The following KCNMA1 variants were observed in gnomAD, a reference collection of about 807,000 sequenced individuals.
The protein encoded by KCNMA1 is Calcium-activated potassium channel subunit alpha-1.
Under a neutral mutation model 140.0 loss-of-function variants are expected in KCNMA1, and 29 were observed. That is an observed-to-expected ratio of 0.21 (90% CI 0.15 to 0.28). KCNMA1 has a LOEUF of 0.28. KCNMA1 is among the 10% of genes least tolerant of loss of function. KCNMA1 has a pLI of 1.00. For synonymous variants in KCNMA1, 612 were observed against 611.9 expected (o/e 1.00, Z 0.00); for missense variants, 880 against 1,602.2 (o/e 0.55, Z 7.70).
intron 2 of KCNMA1, among the ~76,000 whole-genome samples, chr10:77,287,496 G>A (rs2071438841): frequency 6.6e-6 from 1 of 152,112 alleles, no homozygotes; most frequent in Non-Finnish European, 1.5e-5. Context: ...AGCCAATTTG[G>A]GATCCTAAAT....
chr10:76,929,296 G>A (rs2058663582), intron 23 of KCNMA1, among the ~76,000 whole-genome samples: 1 of 152,116 alleles, frequency 6.6e-6, no homozygotes, highest in Non-Finnish European at 1.5e-5. Flanking sequence ...CTTGCCTTTA[G>A]GCCCATGGCC....
At chr10:77,297,379 A>G (rs1402964231) in intron 2 of KCNMA1, among the ~76,000 whole-genome samples, 1 of 152,230 alleles carries the variant, frequency 6.6e-6, no homozygotes, top group Non-Finnish European at 1.5e-5. Context: ...CTAAAGATAT[A>G]ACAGAAAAAG....
chr10:76,888,785 C>G (rs1167508716), intron 27 of KCNMA1, among the ~76,000 whole-genome samples: 1 of 152,080 alleles, frequency 6.6e-6, no homozygotes, highest in African/African-American at 2.4e-5. Flanking sequence ...TATCTTAGGG[C>G]GGGGTGTGGT....
chr10:77,552,345 C>T (rs775655550), intron 1 of KCNMA1, among the ~76,000 whole-genome samples: 5 of 152,138 alleles, frequency 3.3e-5, no homozygotes, highest in African/African-American at 4.8e-5. Context: ...TGTGTGACCT[C>T]GATAAGATTA....
chr10:77,514,076 G>T (rs1480788786), intron 1 of KCNMA1, among the ~76,000 whole-genome samples: 1 of 152,214 alleles, frequency 6.6e-6, no homozygotes, highest in African/African-American at 2.4e-5. Flanking sequence ...AAATCAATTT[G>T]CCCGCCTGGC....
At chr10:76,878,434 C>G (rs1158650402) in intron 29 of KCNMA1, among the ~76,000 whole-genome samples, 1 of 152,190 alleles carries the variant, frequency 6.6e-6, no homozygotes, top group African/African-American at 2.4e-5. Flanking sequence ...ATACCACTCT[C>G]CTGTTTCATT....
intron 1 of KCNMA1, among the ~76,000 whole-genome samples, chr10:77,444,998 T>C (rs909227253): frequency 6.6e-6 from 1 of 152,054 alleles, no homozygotes. Context: ...GAGATTTGGT[T>C]TCTATAGCAA....
At chr10:77,159,320 T>G (rs996610325) in intron 5 of KCNMA1, among the ~76,000 whole-genome samples, 3 of 152,234 alleles carry the variant, frequency 2.0e-5, no homozygotes, top group Non-Finnish European at 4.4e-5. Flanking sequence ...CTTTCTTTTC[T>G]TCCCTATAGT....
chr10:77,264,780 G>C (rs576722309), intron 2 of KCNMA1, among the ~76,000 whole-genome samples: 2 of 152,220 alleles, frequency 1.3e-5, no homozygotes, highest in Admixed American at 1.3e-4. Flanking sequence ...CACAGCCCCA[G>C]CCTGATCACC....
chr10:77,281,548 C>T (rs553318032), intron 2 of KCNMA1, among the ~76,000 whole-genome samples: 6 of 152,244 alleles, frequency 3.9e-5, no homozygotes, highest in African/African-American at 1.4e-4. Context: ...ACTGAGAGGG[C>T]TGTGTCCGGG....
intron 12 of KCNMA1, among the ~76,000 whole-genome samples, chr10:77,080,115 G>A (rs976955854): frequency 1.3e-5 from 2 of 152,198 alleles, no homozygotes; most frequent in Non-Finnish European, 2.9e-5. Flanking sequence ...TGGACAGTGA[G>A]AAAGAAAGCT....
At chr10:77,161,481 G>A (rs897283824) in intron 5 of KCNMA1, among the ~76,000 whole-genome samples, 2 of 152,106 alleles carry the variant, frequency 1.3e-5, no homozygotes, top group Non-Finnish European at 2.9e-5. Flanking sequence ...CTGGGCTCAA[G>A]CAATCTTCCT....
chr10:77,617,266 T>G (rs935522892), intron 1 of KCNMA1, among the ~76,000 whole-genome samples: 1 of 152,194 alleles, frequency 6.6e-6, no homozygotes, highest in African/African-American at 2.4e-5. Flanking sequence ...CTGTCATCCA[T>G]GAGCCTTCCA....
rs187333787 is a variant in KCNMA1, at chr10:77,335,166, C to T, written c.540+68696G>A. ...TCCTTCCCCATCTTCCTCCTCCTCC[C>T]GTCCTCATCCTTATGGAAGCACAAG... is the stretch of plus-strand genomic sequence containing the variant. On this transcript the variant is annotated intron_variant, in intron 2 of 27. Coordinates refer to ENST00000286628, the MANE Select transcript of KCNMA1 (RefSeq NM_001161352.2). 3.0e-3 allele frequency among the ~76,000 whole-genome samples: 451 copies of T among 152,266 alleles called. 7 individuals are homozygous for T. The highest frequency in any genetic ancestry group is 9.8e-4 in the Non-Finnish European group (67 of 68,028).
At chr10:76,933,053 C>T (rs1341266651) in intron 23 of KCNMA1, among the ~76,000 whole-genome samples, 1 of 152,168 alleles carries the variant, frequency 6.6e-6, no homozygotes, top group Non-Finnish European at 1.5e-5. Flanking sequence ...ATATTAGAGA[C>T]AACCTGGCCA....
At chr10:77,338,017 C>T (rs117900771) in intron 2 of KCNMA1, among the ~76,000 whole-genome samples, 4 of 152,122 alleles carry the variant, frequency 2.6e-5, no homozygotes, top group Admixed American at 6.5e-5. Context: ...TTGCAGAATC[C>T]GACTGAGATT....
chr10:77,155,560 G>A (rs1486761363), intron 5 of KCNMA1, among the ~76,000 whole-genome samples: 6 of 152,008 alleles, frequency 3.9e-5, no homozygotes, highest in African/African-American at 4.8e-5. Context: ...CTGGAAGCAC[G>A]CTCAGCCATG....
chr10:76,976,337 T>A (rs1438161134), intron 19 of KCNMA1, among the ~76,000 whole-genome samples: 1 of 152,156 alleles, frequency 6.6e-6, no homozygotes, highest in African/African-American at 2.4e-5. Context: ...ACAGGGTGTA[T>A]TTCTGGCTCT....
chr10:77,273,709 G>C lies in KCNMA1; in HGVS notation c.541-22453C>G, dbSNP rs139252043. On this transcript the variant is annotated intron_variant, in intron 2 of 27. Coordinates refer to ENST00000286628, the MANE Select transcript of KCNMA1 (RefSeq NM_001161352.2). ...GTGGCTGGGGAAGGACCTGGTGGAA[G>C]TGTAATTAAGCTGTAAAGGAATCAT... Among the ~76,000 whole-genome samples the C allele has an allele frequency of 2.3e-3, 343 of 152,322 alleles. 1 individual carries two copies. The highest frequency in any genetic ancestry group is 7.7e-3 in the African/African-American group (322 of 41,564).
Sources: gnomAD v4.1 joint callset for allele counts (sites outside exome capture counted in the v4.1 genomes callset) on GRCh38, gnomAD v4.1.1 for gene constraint, MANE v1.5 for transcripts, NCBI Gene and HGNC (gene_info 2026-07-23, HGNC 2026-07-21) for gene names.